The following CTNNA2 variants were observed in gnomAD, a reference collection of about 807,000 sequenced individuals.
The protein encoded by CTNNA2 is catenin alpha 2.
In CTNNA2, 42 loss-of-function variants were observed where a neutral mutation model predicts 101.0. The observed-to-expected ratio is 0.42, with a 90% CI of 0.32 to 0.54. The LOEUF (loss-of-function observed/expected upper bound fraction) is 0.54. Among genes scored for constraint, CTNNA2 ranks in the 20% least tolerant of loss-of-function variants. The probability of loss-of-function intolerance (pLI) is 0.14; values close to 1 mark genes in which losing one functional copy is unlikely to be tolerated. For missense variants in CTNNA2, 871 were observed against 1,223.1 expected, an observed-to-expected ratio of 0.71 and a Z score of 4.29; for synonymous variants, 450 against 456.4, an observed-to-expected ratio of 0.99 and a Z score of 0.18.
intron 17 of CTNNA2, among the ~76,000 whole-genome samples, chr2:80,613,729 A>T (rs180879600): frequency 8.6e-5 from 13 of 151,638 alleles, no homozygotes; most frequent in Non-Finnish European, 1.8e-4. Flanking sequence ...TACTCATTTT[A>T]AAATAAGAAA....
chr2:79,210,114 G>T (rs1377704125), intron 2 of CTNNA2, among the ~76,000 whole-genome samples: 1 of 151,816 alleles, frequency 6.6e-6, no homozygotes, highest in African/African-American at 2.4e-5. Context: ...GTGTGTGTGT[G>T]TTTAAGCAGA....
chr2:80,586,597 A>G (rs1381919168), intron 14 of CTNNA2: 1 of 152,224 alleles, frequency 6.6e-6, no homozygotes. Flanking sequence ...TATCTCAAAT[A>G]TAGTGGAATA....
chr2:79,386,191 C>T (rs138078639), intron 4 of CTNNA2, among the ~76,000 whole-genome samples: 22 of 152,278 alleles, frequency 1.4e-4, no homozygotes, highest in African/African-American at 4.8e-4. Flanking sequence ...CACATATCTC[C>T]GTAATGCCTC....
chr2:79,335,363 C>T (rs545821058), intron 3 of CTNNA2, among the ~76,000 whole-genome samples: 2 of 152,244 alleles, frequency 1.3e-5, no homozygotes, highest in Non-Finnish European at 2.9e-5. Context: ...TCCAAAGACT[C>T]ACAGCAAAAT....
intron 7 of CTNNA2, among the ~76,000 whole-genome samples, chr2:79,973,408 G>A (rs771684014): frequency 2.0e-5 from 3 of 152,274 alleles, no homozygotes; most frequent in Non-Finnish European, 4.4e-5. Context: ...GTACTTGCAA[G>A]CTAGAGATAT....
chr2:79,767,782 C>T (rs1673270807), intron 3 of CTNNA2, among the ~76,000 whole-genome samples: 1 of 151,700 alleles, frequency 6.6e-6, no homozygotes, highest in South Asian at 2.1e-4. Flanking sequence ...GTGCCCTATC[C>T]TGCTGTGGCT....
chr2:80,122,977 C>T (rs943296004), intron 7 of CTNNA2, among the ~76,000 whole-genome samples: 1 of 152,148 alleles, frequency 6.6e-6, no homozygotes, highest in Non-Finnish European at 1.5e-5. Context: ...AAGCAAAACT[C>T]ATCAGCTTCA....
chr2:80,388,628 T>C (rs1400172628), intron 7 of CTNNA2, among the ~76,000 whole-genome samples: 1 of 152,232 alleles, frequency 6.6e-6, no homozygotes, highest in South Asian at 2.1e-4. Flanking sequence ...TAGGTGGTTA[T>C]TGGCAGAGAG....
chr2:80,141,941 C>A (rs1703038345), intron 7 of CTNNA2, among the ~76,000 whole-genome samples: 1 of 151,126 alleles, frequency 6.6e-6, no homozygotes, highest in African/African-American at 2.4e-5. Context: ...AAATCCAGAT[C>A]CCCACCAAAT....
chr2:79,460,665 G>A (rs1670868224), intron 4 of CTNNA2, among the ~76,000 whole-genome samples: 1 of 152,004 alleles, frequency 6.6e-6, no homozygotes, highest in Admixed American at 6.6e-5. Flanking sequence ...TCTGGGCTTG[G>A]CCAGCACAAC....
intron 9 of CTNNA2, among the ~76,000 whole-genome samples, chr2:80,485,437 A>G (rs1370005605): frequency 6.6e-6 from 1 of 152,188 alleles, no homozygotes; most frequent in African/African-American, 2.4e-5. Flanking sequence ...TTAGTGGTCA[A>G]GTTGTATTCA....
chr2:79,721,363 G>A (rs1348615047), intron 2 of CTNNA2, among the ~76,000 whole-genome samples: 2 of 152,158 alleles, frequency 1.3e-5, no homozygotes, highest in African/African-American at 4.8e-5. Flanking sequence ...GAGAGCAAAA[G>A]TATGCTTCTC....
Position 79,447,337 on chromosome 2 carries a change from T to C in CTNNA2, c.-134-57717T>C, listed in dbSNP as rs184683142. 1.3e-3 allele frequency among the ~76,000 whole-genome samples: 197 copies of C among 152,132 alleles called. 1 individual carries two copies. Among genetic ancestry groups the C allele is most frequent in the African/African-American group, 4.6e-3 (191 of 41,512 alleles). ...TTAGCCTTATGCTATAAAAAAATTT[T>C]TTTCCAGGAAAAAAATCGACATTCA... is the stretch of plus-strand genomic sequence containing the variant. On this transcript the variant is annotated intron_variant, in intron 4 of 21. Transcript: ENST00000466387.
intron 2 of CTNNA2, among the ~76,000 whole-genome samples, chr2:79,716,520 C>G (rs777496717): frequency 1.3e-5 from 2 of 152,192 alleles, no homozygotes; most frequent in Non-Finnish European, 2.9e-5. Context: ...CATGTGTTCT[C>G]ATCGTTCAGC....
At chr2:80,461,971 T>C (rs1248097396) in intron 9 of CTNNA2, among the ~76,000 whole-genome samples, 1 of 152,210 alleles carries the variant, frequency 6.6e-6, no homozygotes, top group African/African-American at 2.4e-5. Flanking sequence ...GGGGATCTGC[T>C]TTGCAAGACA....
chr2:79,874,898 A>AT (rs1434446223), intron 6 of CTNNA2, among the ~76,000 whole-genome samples: 9 of 152,230 alleles, frequency 5.9e-5, no homozygotes, highest in African/African-American at 9.6e-5. Context: ...GGGACAGTTC[A>AT]TAATTTGACG....
At chr2:79,287,961 T>A (rs1675663906) in intron 2 of CTNNA2, among the ~76,000 whole-genome samples, 1 of 152,250 alleles carries the variant, frequency 6.6e-6, no homozygotes, top group African/African-American at 2.4e-5. Flanking sequence ...TGCGCTGTTT[T>A]TTAAGCCGGT....
chr2:80,147,684 C>T (rs2148921827), intron 7 of CTNNA2, among the ~76,000 whole-genome samples: 2 of 152,262 alleles, frequency 1.3e-5, no homozygotes, highest in South Asian at 2.1e-4. Context: ...CCCCTTGTAG[C>T]AGGCTAATGC....
intron 7 of CTNNA2, among the ~76,000 whole-genome samples, chr2:79,956,842 G>GTTTTTTTT (rs1558673387): frequency 4.7e-5 from 3 of 64,376 alleles, no homozygotes; most frequent in Admixed American, 2.1e-4. Context: ...AATACGTGTG[G>GTTTTTTTT]GTTTTTTTTT....
Sources: gnomAD v4.1 joint callset for allele counts (sites outside exome capture counted in the v4.1 genomes callset) on GRCh38, gnomAD v4.1.1 for gene constraint, MANE v1.5 for transcripts, NCBI Gene and HGNC (gene_info 2026-07-23, HGNC 2026-07-21) for gene names.